The following PP2D1 variants were observed in gnomAD, a reference collection of about 807,000 sequenced individuals.
PP2D1 encodes protein phosphatase 2C like domain containing 1, also known as protein phosphatase 2C-like domain-containing protein 1.
In PP2D1, 25 loss-of-function variants were observed where a neutral mutation model predicts 30.2. That is an observed-to-expected ratio of 0.83 (90% CI 0.60 to 1.16). The LOEUF (loss-of-function observed/expected upper bound fraction) is 1.16, where lower values mean the gene tolerates loss of function less well. PP2D1 is among the 50% of genes most tolerant of loss of function. PP2D1 has a pLI of 0.00. For synonymous variants in PP2D1, 260 were observed against 258.9 expected (o/e 1.00, Z -0.04); for missense variants, 760 against 742.4 (o/e 1.02, Z -0.28).
chr3:19,988,556 C>G (rs965931937), intron 2 of PP2D1, among the ~76,000 whole-genome samples: 1 of 152,128 alleles, frequency 6.6e-6, no homozygotes, highest in Non-Finnish European at 1.5e-5. Context: ...CGTTCTGCCC[C>G]CATTTGCCTT....
chr3:20,007,197 T>G (rs1559500498), intron 1 of PP2D1, among the ~76,000 whole-genome samples: 1 of 152,184 alleles, frequency 6.6e-6, no homozygotes, highest in Non-Finnish European at 1.5e-5. Context: ...AAATCATCTC[T>G]TGATAGAATA....
Position 19,985,699 on chromosome 3 carries a change from A to C in PP2D1, c.1574T>G (p.Val525Gly), listed in dbSNP as rs1559495487. The part of the protein sequence containing the change: ...FQYKSVSEVR[V>G]STTNSKENLS... ...ATTTTCTTTGGAATTTGTAGTTGACACACGTACTTCAGATACAGATTTATA... is the reference window on the plus strand; with the variant it reads ...ATTTTCTTTGGAATTTGTAGTTGACCCACGTACTTCAGATACAGATTTATA... The change falls in exon 3 of 3, where the codon GTG becomes GGG. Residue 525 changes from valine to glycine, a missense_variant. Physicochemically the swap from Val to Gly is moderately radical, Grantham distance 109. This residue lies in a region of PP2D1 where 369 missense variants were observed against 316.2 expected (regional missense o/e 1.17). Coordinates refer to ENST00000389050, the MANE Select transcript of PP2D1 (RefSeq NM_001252657.2). 1 of 1,535,860 alleles carries C rather than the reference A, an allele frequency of 6.5e-7. No individual in the cohort carries two copies. The highest frequency in any genetic ancestry group is 1.2e-5 in the South Asian group (1 of 84,058).
Position 19,986,070 on chromosome 3 carries a change from A to G in PP2D1, c.1203T>C (p.Ile401=). ...RRRILQNGAV[I]SSNEPYGLVE... ...CAAGCCCGTATGGTTCATTTGAACT[A>G]ATGACTGCTCCATTCTGAAGTATTC... The change falls in exon 3 of 3, where the codon ATT becomes ATC. Residue 401 remains isoleucine, a synonymous_variant. Transcript: ENST00000389050. The G allele has an allele frequency of 6.5e-7, 1 of 1,536,036 alleles. No individual in the cohort carries two copies. Among genetic ancestry groups the G allele is most frequent in the Non-Finnish European group, 8.7e-7 (1 of 1,146,832 alleles).
At chr3:19,982,200 C>G (rs1334293639), downstream of PP2D1, among the ~76,000 whole-genome samples, 1 of 152,110 alleles carries the variant, frequency 6.6e-6, no homozygotes, top group African/African-American at 2.4e-5. Flanking sequence ...ATTGATGCAC[C>G]ACACTCTAAC....
intron 1 of PP2D1, among the ~76,000 whole-genome samples, chr3:20,004,897 A>G (rs1040140143): frequency 2.0e-5 from 3 of 152,260 alleles, no homozygotes; most frequent in East Asian, 1.9e-4. Context: ...ACTTGAGGCC[A>G]GGAGTTTGAG....
At chr3:20,010,693 C>T (rs12631435) in intron 1 of PP2D1, among the ~76,000 whole-genome samples, 22,347 of 151,970 alleles carry the variant, frequency 0.15, 1,764 homozygotes, top group South Asian at 0.21. Context: ...ATCCCAGCTA[C>T]TGGGGAGGCT....
At chr3:19,992,205 G>T (rs2125139743) in intron 2 of PP2D1, among the ~76,000 whole-genome samples, 1 of 152,282 alleles carries the variant, frequency 6.6e-6, no homozygotes, top group African/African-American at 2.4e-5. Context: ...GTGTGATCAT[G>T]AAATTCATGT....
Position 20,001,301 on chromosome 3 carries a change from T to G in PP2D1, c.819A>C (p.Glu273Asp). The stretch of plus-strand genomic sequence containing the variant: ...TGTCCTCATACTCACACCTCACTGC[T>G]TCTGTTTTGTTTATGGCAGAAAAGA... ...EDLFSAINKT[E>D]AVRCEYEDTH... Residue 273 changes from glutamate to aspartate, a missense_variant, in exon 2 of 3, where the codon GAA becomes GAC. Around this residue, in one of 3 missense-constraint regions of PP2D1, gnomAD observed 374 missense variants for 388.8 expected, o/e 0.96. Coordinates refer to ENST00000389050, the MANE Select transcript of PP2D1 (RefSeq NM_001252657.2). The G allele has an allele frequency of 6.5e-7, 1 of 1,535,832 alleles. No individual in the cohort carries two copies. The highest frequency in any genetic ancestry group is 8.7e-7 in the Non-Finnish European group (1 of 1,146,646).
rs139284947 is a variant in PP2D1, at chr3:20,005,214, G to A, written c.24-3118C>T. 4.4e-3 allele frequency among the ~76,000 whole-genome samples: 665 copies of A among 151,846 alleles called. 7 individuals carry two copies. The highest frequency in any genetic ancestry group is 0.014 in the African/African-American group (586 of 41,410). ...GTTGCCCAGCCTGGAGTACAAGGGC[G>A]CAATCTCGGCTCACCGCAACCTCCA... is the stretch of plus-strand genomic sequence containing the variant. On this transcript the variant is annotated intron_variant, in intron 1 of 2. Transcript: ENST00000389050.
At chr3:20,008,052 TA>T in intron 1 of PP2D1, 1 of 167,640 alleles carries the variant, frequency 6.0e-6, no homozygotes. Context: ...CTTATTTTAC[TA>T]AGCTCAGTTC....
Position 19,985,668 on chromosome 3 carries a change from G to T in PP2D1, c.1605C>A (p.Ser535=). The change falls in exon 3 of 3, where the codon TCC becomes TCA. Residue 535 remains serine (S), a synonymous_variant. Transcript: ENST00000389050. ...VSTTNSKENL[S]DSNYSKYCIY... ...TACAGTATTTAGAATAGTTTGAATC[G>T]GATAAATTTTCTTTGGAATTTGTAG... is the stretch of plus-strand genomic sequence containing the variant. The T allele has an allele frequency of 6.5e-7, 1 of 1,535,684 alleles. No homozygotes were observed.
In PP2D1 at chr3:19,988,621, G is replaced by A. The variant is rs548771626; in HGVS notation, c.1091-2439C>T. Among the ~76,000 whole-genome samples, 21 of 152,046 alleles carry A rather than the reference G, an allele frequency of 1.4e-4. No individual in the cohort carries two copies. In the South Asian group the frequency reaches 4.2e-3, roughly 30 times the overall value. ...GATCTCTGTGACCCACACCTTATTC[G>A]TACACTCCCTCCCGTTTGAAAATCA... is the stretch of plus-strand genomic sequence containing the variant. On this transcript the variant is annotated intron_variant, in intron 2 of 2. Coordinates refer to ENST00000389050, the MANE Select transcript of PP2D1 (RefSeq NM_001252657.2).
At chr3:19,997,772 C>T (rs1045522679) in intron 2 of PP2D1, among the ~76,000 whole-genome samples, 1 of 152,108 alleles carries the variant, frequency 6.6e-6, no homozygotes, top group East Asian at 1.9e-4. Context: ...GAAAGACAAA[C>T]ATTACATGTT....
chr3:19,984,664 T>G (rs574899435), downstream of PP2D1: 2 of 156,648 alleles, frequency 1.3e-5, no homozygotes, highest in East Asian at 1.9e-4. Flanking sequence ...CACTAACAAT[T>G]ATGTATATTC....
At chr3:19,985,235 A>G (rs1475516313), downstream of PP2D1, 1 of 628,774 alleles carries the variant, frequency 1.6e-6, no homozygotes, top group East Asian at 2.8e-5. Context: ...TATAAATGAT[A>G]CTATATGACC....
At chr3:20,007,031 ACG>A (rs1169135147) in intron 1 of PP2D1, among the ~76,000 whole-genome samples, 1 of 138,968 alleles carries the variant, frequency 7.2e-6, no homozygotes, top group African/African-American at 2.6e-5. Flanking sequence ...ACACACACAC[ACG>A]TATATATATT....
At chr3:19,979,991 A>T (rs1272559577) in exon 4 of PP2D1, 1 of 152,218 alleles carries the variant, frequency 6.6e-6, no homozygotes, top group Non-Finnish European at 1.5e-5. Context: ...ATTATTTTTC[A>T]CTAGGTGACA....
chr3:20,009,891 G>GT (rs1376061245), intron 1 of PP2D1, among the ~76,000 whole-genome samples: 1 of 152,078 alleles, frequency 6.6e-6, no homozygotes, highest in Non-Finnish European at 1.5e-5. Flanking sequence ...AAATGTCCAC[G>GT]TTATAAATAC....
At position 20,001,139 on chromosome 3, in the gene PP2D1, A is replaced by G. The variant is rs1486263001; in HGVS notation, c.981T>C (p.Tyr327=). Residue 327 remains tyrosine, a synonymous_variant, in exon 2 of 3, where the codon TAT becomes TAC. Coordinates refer to ENST00000389050, the MANE Select transcript of PP2D1 (RefSeq NM_001252657.2). ...CILEGKPKSP[Y]AHKNWKRKNT... is the part of the protein sequence containing the mutation. ...TTTTTCTTTTCCAATTCTTATGAGC[A>G]TAAGGACTTTTAGGTTTGCCTTCCA... 2 of 1,463,702 alleles carry G rather than the reference A, an allele frequency of 1.4e-6. No individual in the cohort carries two copies. Among genetic ancestry groups the G allele is most frequent in the Non-Finnish European group, 1.8e-6 (2 of 1,111,524 alleles). The allele number at this position is 1,463,702 out of a possible 1,614,324, so 90.7% of individuals were successfully genotyped here. A position where few individuals can be genotyped will look rare whatever the true frequency, so the allele number is the denominator to read the frequency against.
Sources: gnomAD v4.1 joint callset for allele counts (sites outside exome capture counted in the v4.1 genomes callset) on GRCh38, gnomAD v4.1.1 for gene constraint, gnomAD v4.1.1 regional missense constraint, MANE v1.5 for transcripts, NCBI Gene and HGNC (gene_info 2026-07-23, HGNC 2026-07-21) for gene names.